Variants in PTPRT observed in about 807,000 individuals in gnomAD.
The protein encoded by PTPRT is receptor-type tyrosine-protein phosphatase T.
Under a neutral mutation model 176.8 loss-of-function variants are expected in PTPRT, and 56 were observed. That is an observed-to-expected ratio of 0.32 (90% CI 0.26 to 0.40). PTPRT has a LOEUF of 0.40. PTPRT is among the 10% of genes least tolerant of loss of function. The pLI is 1.00. For synonymous variants in PTPRT, 783 were observed against 739.0 expected (o/e 1.06, Z -0.96); for missense variants, 1,540 against 1,908.2 (o/e 0.81, Z 3.60).
intron 6 of PTPRT, among the ~76,000 whole-genome samples, chr20:42,752,893 G>T (rs1353912019): frequency 6.6e-6 from 1 of 152,060 alleles, no homozygotes; most frequent in Non-Finnish European, 1.5e-5. Flanking sequence ...GGTTTCCTCT[G>T]GTTGCTTCTG....
chr20:42,940,382 C>T (rs1156729677), intron 1 of PTPRT, among the ~76,000 whole-genome samples: 3 of 152,002 alleles, frequency 2.0e-5, no homozygotes, highest in South Asian at 2.1e-4. Context: ...GAGTTGTATT[C>T]GCATAGCCAT....
At chr20:42,995,706 A>G (rs1385118434) in intron 1 of PTPRT, among the ~76,000 whole-genome samples, 1 of 152,182 alleles carries the variant, frequency 6.6e-6, no homozygotes, top group Non-Finnish European at 1.5e-5. Context: ...TTTCCCCCAG[A>G]GAAGAAATCC....
Position 42,506,899 on chromosome 20 carries a change from C to G in PTPRT, c.1154-34337G>C, listed in dbSNP as rs538885562. Reference sequence around the variant, plus strand: ...ATGCCTGTGCCCTGTCCTTGTTTTTCATATGGTAAGGAAAATGTCCTCCTG... The same window carrying G: ...ATGCCTGTGCCCTGTCCTTGTTTTTGATATGGTAAGGAAAATGTCCTCCTG... On this transcript the variant is annotated intron_variant, in intron 7 of 30. Transcript: ENST00000373187. 2.0e-5 allele frequency among the ~76,000 whole-genome samples: 3 copies of G among 152,186 alleles called. No individual in the cohort carries two copies. The South Asian group carries it at 6.2e-4, about 32-fold the overall frequency.
At chr20:42,378,552 C>T (rs541839627) in intron 9 of PTPRT, among the ~76,000 whole-genome samples, 1 of 152,316 alleles carries the variant, frequency 6.6e-6, no homozygotes, top group Admixed American at 6.5e-5. Flanking sequence ...TCTTGCACAA[C>T]CCTGTAATCC....
intron 12 of PTPRT, among the ~76,000 whole-genome samples, chr20:42,309,435 G>A (rs1264153972): frequency 6.6e-6 from 1 of 152,106 alleles, no homozygotes; most frequent in Non-Finnish European, 1.5e-5. Flanking sequence ...CAGGAGCCTG[G>A]AGCTTGGGAA....
At chr20:42,760,426 T>C (rs1164092322) in intron 5 of PTPRT, among the ~76,000 whole-genome samples, 1 of 144,680 alleles carries the variant, frequency 6.9e-6, no homozygotes, top group African/African-American at 2.6e-5. Flanking sequence ...GGCTGGGAAC[T>C]GACCTCAGTA....
At chr20:42,480,731 T>C (rs1392417821) in intron 7 of PTPRT, among the ~76,000 whole-genome samples, 1 of 152,172 alleles carries the variant, frequency 6.6e-6, no homozygotes, top group African/African-American at 2.4e-5. Flanking sequence ...TGATGACGCA[T>C]GCACAACCCT....
chr20:42,078,948 C>T lies in PTPRT; in HGVS notation c.*1931G>A, dbSNP rs923823868. 5.7e-6 allele frequency: 1 copy of T among 176,594 alleles called. No individual in the cohort carries two copies. The highest frequency in any genetic ancestry group is 1.2e-5 in the Non-Finnish European group (1 of 81,954). 10.9% of individuals were successfully genotyped at this position (176,594 alleles called of 1,614,324 possible). ...CTGCACCATGGTTCCATTTCCCCAG[C>T]ATACAGTGGGCTCTTGAGGGCCAAA... On this transcript the variant is annotated 3_prime_UTR_variant, in exon 31 of 31. Transcript: ENST00000373187.
intron 9 of PTPRT, among the ~76,000 whole-genome samples, chr20:42,409,113 GC>G (rs1301595059): frequency 6.6e-6 from 1 of 152,124 alleles, no homozygotes; most frequent in African/African-American, 2.4e-5. Flanking sequence ...TTAAACGTGG[GC>G]TTGTTATCCT....
rs778410974 is a variant in PTPRT, at chr20:42,248,871, C to T, written c.2177-49G>A. The T allele has an allele frequency of 4.3e-5, 69 of 1,597,782 alleles. No individual in the cohort carries two copies. In the African/African-American group the frequency reaches 5.3e-4, roughly 12 times the overall value. On this transcript the variant is annotated intron_variant, in intron 13 of 30. Transcript: ENST00000373187. ...GCAATGTTGAAAGCACCCAAACATG[C>T]GACTAGACAATCATCATAATGACAA...
chr20:42,725,009 T>TGTGTGTGTGTG (rs1569113401), intron 6 of PTPRT, among the ~76,000 whole-genome samples: 1,989 of 134,020 alleles, frequency 0.015, 50 homozygotes, highest in African/African-American at 0.051. Context: ...TGGACATCTT[T>TGTGTGTGTGTG]TGTGTGTGTG....
intron 6 of PTPRT, among the ~76,000 whole-genome samples, chr20:42,708,657 A>T (rs1325844699): frequency 5.3e-5 from 8 of 152,178 alleles, no homozygotes; most frequent in Admixed American, 5.2e-4. Context: ...TTCTCTTTCC[A>T]TAGCTACCTC....
chr20:42,733,416 G>A (rs551217808), intron 6 of PTPRT, among the ~76,000 whole-genome samples: 1 of 152,222 alleles, frequency 6.6e-6, no homozygotes, highest in Non-Finnish European at 1.5e-5. Flanking sequence ...AAGATAAAAG[G>A]AGGAAGAAAC....
At chr20:42,515,479 T>C (rs1183203971) in intron 7 of PTPRT, among the ~76,000 whole-genome samples, 3 of 152,164 alleles carry the variant, frequency 2.0e-5, no homozygotes, top group East Asian at 3.8e-4. Flanking sequence ...CAAGACTCCA[T>C]TAAAAACAAA....
chr20:42,346,572 C>T (rs2058198163), intron 11 of PTPRT, among the ~76,000 whole-genome samples: 1 of 152,156 alleles, frequency 6.6e-6, no homozygotes, highest in Non-Finnish European at 1.5e-5. Context: ...ATAGGCCAAG[C>T]TGCTGAGGTG....
chr20:42,822,693 A>T (rs2145661369), intron 2 of PTPRT, among the ~76,000 whole-genome samples: 1 of 152,122 alleles, frequency 6.6e-6, no homozygotes, highest in African/African-American at 2.4e-5. Context: ...AGGAACTTAA[A>T]CATATTTACA....
In PTPRT at chr20:43,189,668, G is replaced by C; in HGVS notation, c.66C>G (p.Gly22=). 7.6e-7 allele frequency: 1 copy of C among 1,317,064 alleles called. No individual in the cohort carries two copies. Among genetic ancestry groups the C allele is most frequent in the South Asian group, 2.0e-5 (1 of 48,974 alleles). The allele number at this position is 1,317,064 out of a possible 1,614,324, so 81.6% of individuals were successfully genotyped here. ...LLRLQLPPLP[G]ARAQSAAGGC... Reference sequence around the variant, plus strand: ...CACCTGCGGCGCTCTGAGCCCGGGCGCCGGGCAGTGGCGGCAGCTGCAGCC... The same window carrying C: ...CACCTGCGGCGCTCTGAGCCCGGGCCCCGGGCAGTGGCGGCAGCTGCAGCC... Residue 22 remains glycine, a synonymous_variant, in exon 1 of 31, where the codon GGC becomes GGG. Coordinates refer to ENST00000373187, the MANE Select transcript of PTPRT (RefSeq NM_007050.6). This position sits in a 1 kb window ranked among gnomAD's most constrained non-coding sequence, Gnocchi z 5.0.
intron 2 of PTPRT, among the ~76,000 whole-genome samples, chr20:42,814,964 C>T (rs780387206): frequency 3.9e-5 from 6 of 151,942 alleles, no homozygotes; most frequent in Non-Finnish European, 7.4e-5. Context: ...AGACCAAATG[C>T]TGAGTAAGAA....
rs545387628 is a variant in PTPRT, at chr20:42,652,084, A to C, written c.1153+25782T>G. Among the ~76,000 whole-genome samples, 249 of 152,144 alleles carry C rather than the reference A, an allele frequency of 1.6e-3. 5 individuals are homozygous for C. Among genetic ancestry groups the C allele is most frequent in the Admixed American group, 0.011 (175 of 15,282 alleles). On this transcript the variant is annotated intron_variant, in intron 7 of 30. Coordinates refer to ENST00000373187, the MANE Select transcript of PTPRT (RefSeq NM_007050.6). ...AACAAAAACAAACAAAAAAAACAAAAAAAAAAAGGAAGATGGATGATACTA... is the reference window on the plus strand; with the variant it reads ...AACAAAAACAAACAAAAAAAACAAACAAAAAAAGGAAGATGGATGATACTA...
Sources: gnomAD v4.1 joint callset for allele counts (sites outside exome capture counted in the v4.1 genomes callset) on GRCh38, gnomAD v4.1.1 for gene constraint, Gnocchi (gnomAD v3.1) non-coding constraint, MANE v1.5 for transcripts, NCBI Gene and HGNC (gene_info 2026-07-23, HGNC 2026-07-21) for gene names.